Variants in TULP4 observed in about 807,000 individuals in gnomAD.
TULP4 encodes TUB like protein 4, also known as tubby-related protein 4.
In TULP4, 16 loss-of-function variants were observed where a neutral mutation model predicts 129.0. The ratio of observed to expected loss-of-function variants is 0.12; its 90% CI spans 0.08 to 0.19. TULP4 has a LOEUF of 0.19. TULP4 is among the 10% of genes least tolerant of loss of function. TULP4 has a pLI of 1.00. For synonymous variants in TULP4, 998 were observed against 854.0 expected, an observed-to-expected ratio of 1.17 and a Z score of -2.94; for missense variants, 1,842 against 2,059.1, an observed-to-expected ratio of 0.89 and a Z score of 2.04.
chr6:158,492,202 A>T (rs1424546621), intron 9 of TULP4, among the ~76,000 whole-genome samples: 1 of 152,134 alleles, frequency 6.6e-6, no homozygotes, highest in Admixed American at 6.5e-5. Context: ...AGATATCTGT[A>T]TGGCCATATA....
At chr6:158,280,429 A>G (rs1156726768), upstream of TULP4, among the ~76,000 whole-genome samples, 3 of 152,206 alleles carry the variant, frequency 2.0e-5, no homozygotes, top group Non-Finnish European at 4.4e-5. Context: ...GTTTTGGTAC[A>G]AGTGGCTACC....
Position 158,493,521 on chromosome 6 carries a change from G to A in TULP4, c.1632-52G>A. ...AAAGGACTGCTGGAGTCAGGGCCAT[G>A]CTCACCATTCCCGCCACGGATGCCT... is the stretch of plus-strand genomic sequence containing the variant. On this transcript the variant is annotated intron_variant, in intron 9 of 13. Transcript: ENST00000367097. This position sits in a 1 kb window ranked among gnomAD's most constrained non-coding sequence, Gnocchi z 4.4. 2 of 1,425,940 alleles carry A rather than the reference G, an allele frequency of 1.4e-6. No homozygotes were observed. The highest frequency in any genetic ancestry group is 9.2e-7 in the Non-Finnish European group (1 of 1,086,200). 88.3% of individuals were successfully genotyped at this position (1,425,940 alleles called of 1,614,324 possible).
Position 158,299,097 on chromosome 6 carries a change from T to C in TULP4, n.117-12954T>C, listed in dbSNP as rs1457385119. On this transcript the variant is annotated intron_variant and non_coding_transcript_variant, in intron 1 of 1. Transcript: ENST00000432358. ...TAGCCAATTTCCAAAGTTCTGGGTG[T>C]TCTGGGCTCGGAATGGGGAGTATCC... Among the ~76,000 whole-genome samples the C allele has an allele frequency of 2.6e-5, 4 of 152,224 alleles. No individual in the cohort carries two copies. In the East Asian group the frequency reaches 7.7e-4, roughly 29 times the overall value.
intron 1 of TULP4, among the ~76,000 whole-genome samples, chr6:158,319,403 A>C (rs1188148965): frequency 9.8e-6 from 1 of 102,110 alleles, no homozygotes; most frequent in Non-Finnish European, 2.1e-5. Context: ...GCTGACATTT[A>C]ACTCATCTCT....
intron 1 of TULP4, among the ~76,000 whole-genome samples, chr6:158,344,610 A>G (rs1333208162): frequency 5.9e-5 from 9 of 152,212 alleles, no homozygotes; most frequent in African/African-American, 2.2e-4. Context: ...TGCATATAAG[A>G]CAGTGATCTT....
chr6:158,306,712 T>C (rs920558730), intron 1 of TULP4, among the ~76,000 whole-genome samples: 10 of 152,154 alleles, frequency 6.6e-5, no homozygotes, highest in Non-Finnish European at 5.9e-5. Flanking sequence ...TCTGTTGATA[T>C]TTACCATATT....
chr6:158,247,962 A>C (rs1284429522), intron 1 of TULP4, among the ~76,000 whole-genome samples: 1 of 152,218 alleles, frequency 6.6e-6, no homozygotes, highest in African/African-American at 2.4e-5. Context: ...ACAAAACCGG[A>C]GGCACAAATT....
intron 6 of TULP4, among the ~76,000 whole-genome samples, chr6:158,470,046 G>T (rs371047107): frequency 3.3e-5 from 5 of 152,048 alleles, no homozygotes; most frequent in African/African-American, 9.7e-5. Flanking sequence ...ATTAGAAGTC[G>T]TGGGTCACGG....
chr6:158,434,467 A>C (rs181490073), intron 3 of TULP4, among the ~76,000 whole-genome samples: 1 of 152,204 alleles, frequency 6.6e-6, no homozygotes, highest in Non-Finnish European at 1.5e-5. Flanking sequence ...AAGTTGACGC[A>C]GAGTAATGCT....
At chr6:158,395,448 G>A (rs954677616) in intron 1 of TULP4, among the ~76,000 whole-genome samples, 29 of 152,120 alleles carry the variant, frequency 1.9e-4, no homozygotes, top group Non-Finnish European at 3.4e-4. Flanking sequence ...GGGCATGGTG[G>A]TACTTGCCTG....
At chr6:158,446,097 C>G (rs766958195) in intron 3 of TULP4, among the ~76,000 whole-genome samples, 2 of 152,214 alleles carry the variant, frequency 1.3e-5, no homozygotes, top group African/African-American at 2.4e-5. Context: ...TTATTAGGCT[C>G]TCAATCTTGT....
intron 1 of TULP4, among the ~76,000 whole-genome samples, chr6:158,232,565 T>G (rs1777617495): frequency 1.3e-5 from 2 of 151,300 alleles, no homozygotes; most frequent in Non-Finnish European, 2.9e-5. Context: ...TCTCCGCGTG[T>G]GAGAAAATGG....
At chr6:158,464,941 T>C (rs551612000) in intron 6 of TULP4, among the ~76,000 whole-genome samples, 15 of 152,364 alleles carry the variant, frequency 9.8e-5, no homozygotes, top group Middle Eastern at 3.4e-3. Context: ...CATTTCAAAA[T>C]ATATCAACAA....
At position 158,478,015 on chromosome 6, in the gene TULP4, C is replaced by A. The variant is rs561014867; in HGVS notation, c.1027-1736C>A. Among the ~76,000 whole-genome samples, 17 of 152,232 alleles carry A rather than the reference C, an allele frequency of 1.1e-4. No individual in the cohort carries two copies. In the South Asian group the frequency reaches 2.7e-3, roughly 24 times the overall value. On this transcript the variant is annotated intron_variant, in intron 6 of 13. Coordinates refer to ENST00000367097, the MANE Select transcript of TULP4 (RefSeq NM_020245.5). The stretch of plus-strand genomic sequence containing the variant: ...GCAAACTAACGTAGGAACAAAAAAA[C>A]CAAATACCATATATTCTCACTTCTA...
At chr6:158,496,943 G>A (rs554783867) in intron 11 of TULP4, among the ~76,000 whole-genome samples, 2 of 152,290 alleles carry the variant, frequency 1.3e-5, no homozygotes, top group Admixed American at 6.5e-5. Flanking sequence ...AAGCTCCTGC[G>A]CTCGAGTGAT....
chr6:158,408,611 G>A (rs557279781), intron 1 of TULP4, among the ~76,000 whole-genome samples: 2 of 152,150 alleles, frequency 1.3e-5, no homozygotes, highest in African/African-American at 4.8e-5. Context: ...GGCAGCAAGA[G>A]GGTCCTGGTG....
intron 3 of TULP4, 53 bp from the exon 4 acceptor site, chr6:158,448,943 C>G: frequency 6.5e-7 from 1 of 1,541,438 alleles, no homozygotes; most frequent in Middle Eastern, 2.0e-4. Flanking sequence ...CAAGGTGTGC[C>G]AGAAACTGGC....
chr6:158,284,970 C>G (rs1778811524), intron 1 of TULP4, among the ~76,000 whole-genome samples: 1 of 152,190 alleles, frequency 6.6e-6, no homozygotes, highest in Admixed American at 6.5e-5. Flanking sequence ...TTGTCTTCGT[C>G]TTTAATGATC....
intron 13 of TULP4, among the ~76,000 whole-genome samples, 153 bp from the exon 14 acceptor site, chr6:158,506,425 G>T (rs1780604007): frequency 6.6e-6 from 1 of 151,854 alleles, no homozygotes; most frequent in South Asian, 2.1e-4. Context: ...TAGAGACGGG[G>T]TTTCACCGTG....
Sources: allele counts gnomAD v4.1 joint callset (sites outside exome capture counted in the v4.1 genomes callset), GRCh38; gene constraint gnomAD v4.1.1; non-coding constraint Gnocchi (gnomAD v3.1); transcripts MANE v1.5; gene names NCBI Gene and HGNC (gene_info 2026-07-23, HGNC 2026-07-21).